Variants in ZNF799 observed in about 807,000 individuals in gnomAD.
ZNF799 encodes the protein zinc finger protein 14.
Under a neutral mutation model 41.0 loss-of-function variants are expected in ZNF799, and 28 were observed. That is an observed-to-expected ratio of 0.68 (90% CI 0.51 to 0.94). The LOEUF (loss-of-function observed/expected upper bound fraction) is 0.94, where lower values mean the gene tolerates loss of function less well. ZNF799 is among the 40% of genes least tolerant of loss of function. The pLI is 0.00. For synonymous variants in ZNF799, 213 were observed against 252.9 expected, an observed-to-expected ratio of 0.84 and a Z score of 1.50; for missense variants, 716 against 764.3, an observed-to-expected ratio of 0.94 and a Z score of 0.74.
the ZNF799 span, among the ~76,000 whole-genome samples, chr19:12,411,933 C>T: frequency 6.6e-6 from 1 of 152,070 alleles, no homozygotes. Context: ...TTTGAATTTG[C>T]TTTGAACACT....
the ZNF799 span, among the ~76,000 whole-genome samples, chr19:12,406,675 C>T: frequency 5.2e-4 from 79 of 151,884 alleles, no homozygotes; most frequent in African/African-American, 1.6e-3. Context: ...CCAAAGTGGG[C>T]GAATCACGAG....
chr19:12,405,901 G>A (rs1348447049), upstream of ZNF799, among the ~76,000 whole-genome samples: 2 of 152,116 alleles, frequency 1.3e-5, no homozygotes, highest in Non-Finnish European at 2.9e-5. Flanking sequence ...AGAGCCGAGC[G>A]CGATGGCTCA....
chr19:12,393,024 G>A, intron 2 of ZNF799, among the ~76,000 whole-genome samples: 1 of 150,402 alleles, frequency 6.6e-6, no homozygotes, highest in Non-Finnish European at 1.5e-5. Context: ...ACTTTACTGT[G>A]AGAATATACG....
chr19:12,414,476 T>A, the ZNF799 span, among the ~76,000 whole-genome samples: 1 of 152,018 alleles, frequency 6.6e-6, no homozygotes, highest in African/African-American at 2.4e-5. Flanking sequence ...TCCCCTAGCC[T>A]CAGAGCAGGA....
At chr19:12,405,058 G>A (rs990516009), upstream of ZNF799, among the ~76,000 whole-genome samples, 25 of 152,068 alleles carry the variant, frequency 1.6e-4, no homozygotes, top group Non-Finnish European at 3.1e-4. Context: ...TAGCCTCCCA[G>A]CCTACATCTT....
At chr19:12,397,032 G>A (rs1474673529) in intron 1 of ZNF799, among the ~76,000 whole-genome samples, 5 of 152,078 alleles carry the variant, frequency 3.3e-5, no homozygotes, top group African/African-American at 9.7e-5. Flanking sequence ...TATTCCTATT[G>A]GATATCATAA....
At chr19:12,398,584 T>G (rs1969933303) in intron 1 of ZNF799, among the ~76,000 whole-genome samples, 1 of 152,224 alleles carries the variant, frequency 6.6e-6, no homozygotes. Context: ...ATATTTTACT[T>G]CTTTAGCTGT....
At chr19:12,414,214 T>A in the ZNF799 span, among the ~76,000 whole-genome samples, 1 of 152,068 alleles carries the variant, frequency 6.6e-6, no homozygotes, top group Non-Finnish European at 1.5e-5. Flanking sequence ...TCCTGCCCCC[T>A]GGGGAACTCA....
In ZNF799 at chr19:12,401,121, T is replaced by C; in HGVS notation, c.-51A>G. On this transcript the variant is annotated 5_prime_UTR_variant, in exon 1 of 4. Coordinates refer to ENST00000430385, the MANE Select transcript of ZNF799 (RefSeq NM_001080821.3). The stretch of plus-strand genomic sequence containing the variant: ...TCCTCCGGACGGCTCCCGCTGCCAA[T>C]GCGGGTTCCCGCGGGACACAGGCTG... 1.2e-6 allele frequency: 2 copies of C among 1,613,310 alleles called. No individual in the cohort carries two copies. Among genetic ancestry groups the C allele is most frequent in the Non-Finnish European group, 1.7e-6 (2 of 1,179,702 alleles).
chr19:12,407,461 T>TAAAAAAA, the ZNF799 span, among the ~76,000 whole-genome samples: 1 of 119,040 alleles, frequency 8.4e-6, no homozygotes. Context: ...AGACCCTATC[T>TAAAAAAA]AAAAAAAAAA....
At chr19:12,412,761 T>C in the ZNF799 span, among the ~76,000 whole-genome samples, 1 of 151,910 alleles carries the variant, frequency 6.6e-6, no homozygotes, top group Non-Finnish European at 1.5e-5. Context: ...TATCCTGGGC[T>C]GGGGGTGGTG....
At chr19:12,406,683 G>A in the ZNF799 span, among the ~76,000 whole-genome samples, 7 of 152,070 alleles carry the variant, frequency 4.6e-5, no homozygotes. Flanking sequence ...GGCGAATCAC[G>A]AGGTCAGGAG....
the ZNF799 span, among the ~76,000 whole-genome samples, chr19:12,407,051 C>G: frequency 1.3e-5 from 2 of 152,096 alleles, no homozygotes; most frequent in East Asian, 3.9e-4. Flanking sequence ...GACAAAACAA[C>G]TAAAATTACC....
intron 1 of ZNF799, chr19:12,400,814 C>T (rs542470539): frequency 5.0e-6 from 3 of 600,896 alleles, no homozygotes; most frequent in South Asian, 4.1e-5. Context: ...TCGGGAGACG[C>T]GAGGCTGCGG....
chr19:12,401,178 A>G lies in ZNF799; in HGVS notation c.-108T>C, dbSNP rs912693166. 4 of 1,597,224 alleles carry G rather than the reference A, an allele frequency of 2.5e-6. No individual in the cohort carries two copies. Among genetic ancestry groups the G allele is most frequent in the Admixed American group, 3.4e-5 (2 of 59,052 alleles). ...AACTTCCAGGTCGTCTCTTAGCTAC[A>G]GAGCCGAGCACCGAGCGCCCAGCGC... On this transcript the variant is annotated 5_prime_UTR_variant, in exon 1 of 4. Coordinates refer to ENST00000430385, the MANE Select transcript of ZNF799 (RefSeq NM_001080821.3).
chr19:12,408,976 A>G, the ZNF799 span, among the ~76,000 whole-genome samples: 1 of 152,002 alleles, frequency 6.6e-6, no homozygotes, highest in African/African-American at 2.4e-5. Context: ...CAGAGGTTGC[A>G]GTGAGCCGAG....
intron 1 of ZNF799, among the ~76,000 whole-genome samples, chr19:12,397,771 T>G (rs1171693832): frequency 6.6e-6 from 1 of 151,860 alleles, no homozygotes; most frequent in Non-Finnish European, 1.5e-5. Context: ...CCACTTTAAA[T>G]GTGTATTATA....
At chr19:12,401,569 C>CGAGAGAGAGAGAGAGAGAGAGAGAGA (rs142456121), upstream of ZNF799, among the ~76,000 whole-genome samples, 4 of 78,434 alleles carry the variant, frequency 5.1e-5, no homozygotes, top group African/African-American at 2.2e-4. Flanking sequence ...TTTTTTTTTC[C>CGAGAGAGAGAGAGAGAGAGAGAGAGA]GAGAGAGAGA....
At chr19:12,409,530 C>T in the ZNF799 span, among the ~76,000 whole-genome samples, 2 of 152,202 alleles carry the variant, frequency 1.3e-5, no homozygotes, top group African/African-American at 2.4e-5. Context: ...AACTCAACAG[C>T]ATCATTAATC....
Sources: allele counts gnomAD v4.1 joint callset (sites outside exome capture counted in the v4.1 genomes callset), GRCh38; gene constraint gnomAD v4.1.1; transcripts MANE v1.5; gene names NCBI Gene and HGNC (gene_info 2026-07-23, HGNC 2026-07-21).